The following CSMD1 variants were observed in gnomAD, a reference collection of about 807,000 sequenced individuals.
CSMD1 encodes CUB and sushi domain-containing protein 1.
A neutral mutation model predicts 417.5 loss-of-function variants in CSMD1; 213 were observed. That is an observed-to-expected ratio of 0.51 (90% CI 0.46 to 0.57). The LOEUF (loss-of-function observed/expected upper bound fraction) is 0.57. CSMD1 is among the 20% of genes least tolerant of loss of function. The pLI, the probability that CSMD1 is intolerant of heterozygous loss-of-function variation, is 0.00. For synonymous variants in CSMD1, 2,862 were observed against 1,736.8 expected, an observed-to-expected ratio of 1.65 and a Z score of -16.11; for missense variants, 6,923 against 4,529.7, an observed-to-expected ratio of 1.53 and a Z score of -15.17.
intron 2 of CSMD1, among the ~76,000 whole-genome samples, chr8:4,452,121 G>T (rs1328132505): frequency 2.0e-5 from 3 of 152,192 alleles, no homozygotes; most frequent in African/African-American, 7.2e-5. Flanking sequence ...GCTTCCAGAG[G>T]TCTGTACAAA....
chr8:4,217,163 G>C (rs989856849), intron 3 of CSMD1, among the ~76,000 whole-genome samples: 5 of 152,148 alleles, frequency 3.3e-5, no homozygotes, highest in East Asian at 1.9e-4. Context: ...AATAACTACT[G>C]AATACTTTTC....
rs1801602993 is a variant in CSMD1 at position 2,937,890 on chromosome 8, A to T, written c.*695T>A. The T allele has an allele frequency of 6.6e-6, 1 of 152,340 alleles. No homozygotes were observed. Among genetic ancestry groups the T allele is most frequent in the Non-Finnish European group, 1.5e-5 (1 of 67,982 alleles). 9.4% of individuals were successfully genotyped at this position (152,340 alleles called of 1,614,324 possible). Reference sequence around the variant, plus strand: ...TGTATAAACCCTGTGTAAATAATTTATTTTTTTTATCAGAATCTTAGTCAT... The same window carrying T: ...TGTATAAACCCTGTGTAAATAATTTTTTTTTTTTATCAGAATCTTAGTCAT... On this transcript the variant is annotated 3_prime_UTR_variant, in exon 70 of 70. Coordinates refer to ENST00000635120, the MANE Select transcript of CSMD1 (RefSeq NM_033225.6).
chr8:4,240,889 G>A (rs974537243), intron 3 of CSMD1, among the ~76,000 whole-genome samples: 14 of 152,040 alleles, frequency 9.2e-5, no homozygotes, highest in African/African-American at 1.4e-4. Flanking sequence ...TCATTCAGGC[G>A]CATGTTACTG....
chr8:3,318,443 T>C (rs1805925590), intron 23 of CSMD1, among the ~76,000 whole-genome samples: 5 of 152,186 alleles, frequency 3.3e-5, no homozygotes, highest in Admixed American at 3.3e-4. Flanking sequence ...GATACAAAAT[T>C]AACTGACCTC....
rs1268529311 is a variant in CSMD1 at position 3,230,185 on chromosome 8, G to A, written c.4200C>T (p.Gly1400=). 1 of 1,611,444 alleles carries A rather than the reference G, an allele frequency of 6.2e-7. No individual in the cohort carries two copies. The highest frequency in any genetic ancestry group is 2.2e-5 in the East Asian group (1 of 44,796). Residue 1400 remains glycine (G), a synonymous_variant, in exon 27 of 70, where the codon GGC becomes GGT. Coordinates refer to ENST00000635120, the MANE Select transcript of CSMD1 (RefSeq NM_033225.6). The part of the protein sequence containing the change: ...TCNDPGMPQN[G]TRYGDSREAG... ...CCTCTCTGCTGTCTCCATAGCGGGT[G>A]CCATTTTGGGGCATACCTGGATCGT...
At chr8:3,213,828 G>A (rs1184117989) in intron 30 of CSMD1, among the ~76,000 whole-genome samples, 1 of 146,592 alleles carries the variant, frequency 6.8e-6, no homozygotes. Context: ...ATGTGTGTCT[G>A]TGTATGTGTG....
chr8:4,315,474 G>A (rs1211335242), intron 3 of CSMD1, among the ~76,000 whole-genome samples: 10 of 152,096 alleles, frequency 6.6e-5, no homozygotes, highest in Non-Finnish European at 1.5e-4. Context: ...TCCAAGGCCT[G>A]ACTCAAGATA....
At chr8:4,668,685 A>T (rs973406669) in intron 1 of CSMD1, among the ~76,000 whole-genome samples, 2 of 151,802 alleles carry the variant, frequency 1.3e-5, no homozygotes, top group Non-Finnish European at 2.9e-5. Flanking sequence ...TTCCTGACCT[A>T]GTGATCTCCC....
intron 2 of CSMD1, among the ~76,000 whole-genome samples, chr8:4,424,143 C>T (rs534882434): frequency 1.3e-5 from 2 of 152,064 alleles, no homozygotes; most frequent in Admixed American, 1.3e-4. Context: ...GACAGAGTTT[C>T]TATGCTTGAC....
chr8:4,034,852 A>T (rs1020667341), intron 3 of CSMD1, among the ~76,000 whole-genome samples: 1 of 152,324 alleles, frequency 6.6e-6, no homozygotes, highest in Non-Finnish European at 1.5e-5. Context: ...ATTGTTCCCC[A>T]AAGACACGGT....
chr8:4,837,596 G>C (rs1476117040), intron 1 of CSMD1, among the ~76,000 whole-genome samples: 1 of 152,120 alleles, frequency 6.6e-6, no homozygotes, highest in Non-Finnish European at 1.5e-5. Flanking sequence ...TACAAGGATG[G>C]TTACCAGAGG....
chr8:4,963,664 G>A (rs1288452750), intron 1 of CSMD1, among the ~76,000 whole-genome samples: 6 of 152,146 alleles, frequency 3.9e-5, no homozygotes, highest in Non-Finnish European at 8.8e-5. Flanking sequence ...GTATGAATTT[G>A]CGTTGAAATT....
At chr8:3,478,679 C>A (rs577453950) in intron 11 of CSMD1, among the ~76,000 whole-genome samples, 2 of 152,154 alleles carry the variant, frequency 1.3e-5, no homozygotes, top group African/African-American at 2.4e-5. Context: ...CCAGATGCAA[C>A]TGTGACCCGT....
At chr8:4,016,826 G>C (rs1290728337) in intron 4 of CSMD1, among the ~76,000 whole-genome samples, 1 of 152,208 alleles carries the variant, frequency 6.6e-6, no homozygotes, top group African/African-American at 2.4e-5. Context: ...CCATGAGGTT[G>C]TTGGAAGTCA....
intron 10 of CSMD1, among the ~76,000 whole-genome samples, chr8:3,494,656 G>A (rs900208211): frequency 6.6e-6 from 1 of 150,996 alleles, no homozygotes; most frequent in East Asian, 2.0e-4. Context: ...ATGGGTGGAT[G>A]GAAAAATGAC....
At chr8:4,511,812 A>C (rs4609213) in intron 2 of CSMD1, among the ~76,000 whole-genome samples, 12 of 151,896 alleles carry the variant, frequency 7.9e-5, no homozygotes, top group Non-Finnish European at 1.5e-4. Flanking sequence ...TCTACACATT[A>C]TGAGTTTTAC....
chr8:4,520,396 G>C (rs1015471066), intron 2 of CSMD1, among the ~76,000 whole-genome samples: 1 of 152,132 alleles, frequency 6.6e-6, no homozygotes, highest in Non-Finnish European at 1.5e-5. Flanking sequence ...TATAATGTTG[G>C]CTAGCTGGTA....
rs925019381 is a variant in CSMD1, at chr8:3,723,978, G to C, written c.932-15487C>G. Among the ~76,000 whole-genome samples the C allele has an allele frequency of 2.9e-4, 15 of 51,478 alleles. 3 individuals are homozygous for C. Among genetic ancestry groups the C allele is most frequent in the African/African-American group, 5.2e-4 (15 of 28,582 alleles). The allele number at this position is 51,478 out of a possible 152,430, so 33.8% of individuals were successfully genotyped here. A position where few individuals can be genotyped will look rare whatever the true frequency, so the allele number is the denominator to read the frequency against. On this transcript the variant is annotated intron_variant, in intron 6 of 69. Transcript: ENST00000635120. ...TTGTTAAGTTTAATGTTGTGTGAAAGAAAAATGTCCACTATTATCTAAGAG... is the reference window on the plus strand; with the variant it reads ...TTGTTAAGTTTAATGTTGTGTGAAACAAAAATGTCCACTATTATCTAAGAG...
chr8:4,315,595 A>G (rs1023965855), intron 3 of CSMD1, among the ~76,000 whole-genome samples: 1 of 152,216 alleles, frequency 6.6e-6, no homozygotes, highest in African/African-American at 2.4e-5. Flanking sequence ...ACTTTGCCAG[A>G]TATTATGAAT....
Sources: allele counts gnomAD v4.1 joint callset (sites outside exome capture counted in the v4.1 genomes callset), GRCh38; gene constraint gnomAD v4.1.1; transcripts MANE v1.5; gene names NCBI Gene and HGNC (gene_info 2026-07-23, HGNC 2026-07-21).